NHS: variants seen among roughly 807,000 people sequenced by gnomAD.
NHS encodes NHS actin remodeling regulator.
In NHS, 5 loss-of-function variants were observed where a neutral mutation model predicts 72.5. The ratio of observed to expected loss-of-function variants is 0.07; its 90% CI spans 0.04 to 0.14. The LOEUF is 0.14. Among genes scored for constraint, NHS ranks in the 10% least tolerant of loss-of-function variants. The probability of loss-of-function intolerance (pLI) is 1.00; values close to 1 mark genes in which losing one functional copy is unlikely to be tolerated. For missense variants in NHS, 1,072 were observed against 1,355.7 expected (o/e 0.79, Z 3.29); for synonymous variants, 464 against 547.7 (o/e 0.85, Z 2.13).
At chrX:17,475,962 G>T (rs951369243) in intron 1 of NHS, among the ~76,000 whole-genome samples, 1 of 111,569 alleles carries the variant, frequency 9.0e-6, no homozygotes, top group African/African-American at 3.3e-5. Context: ...TGTCATGCCC[G>T]CTGCCAGCTT....
At chrX:17,597,522 G>A (rs1255441558) in intron 1 of NHS, among the ~76,000 whole-genome samples, 2 of 109,025 alleles carry the variant, frequency 1.8e-5, no homozygotes, top group East Asian at 5.7e-4. Flanking sequence ...AAGAGAGCTG[G>A]AGAAAGAGCA....
intron 5 of NHS, 46 bp from the exon 6 acceptor site, chrX:17,724,253 T>G: frequency 5.0e-6 from 6 of 1,208,253 alleles, no homozygotes; most frequent in Non-Finnish European, 6.7e-6. Context: ...AAATGAAAAT[T>G]TGTTTGCCAT....
In NHS at chrX:17,725,735, T is replaced by C. The variant is rs927619743; in HGVS notation, c.1629T>C (p.Asn543=). The C allele has an allele frequency of 8.3e-7, 1 of 1,209,142 alleles. No individual in the cohort carries two copies. The highest frequency in any genetic ancestry group is 1.8e-5 in the African/African-American group (1 of 56,850). The change falls in exon 7 of 9, where the codon AAT becomes AAC. Residue 543 remains asparagine (N), a synonymous_variant. Transcript: ENST00000676302. Reference sequence around the variant, plus strand: ...TGGGTGACCATGAAAGAACCCCTAATGATTTCAGTGAGGCTCCAAGCAGCC... The same window carrying C: ...TGGGTGACCATGAAAGAACCCCTAACGATTTCAGTGAGGCTCCAAGCAGCC... ...SFVGDHERTP[N]DFSEAPSSPS... is the part of the protein sequence containing the mutation.
chrX:17,728,155 A>G lies in NHS; in HGVS notation c.4049A>G (p.His1350Arg), dbSNP rs144463270. ...CATCAATTTGTTATGAGCCGCCACC[A>G]TGACAAAGTGCCTGGTACTATCAGC... ...FKHQFVMSRH[H>R]DKVPGTISYE... Residue 1350 changes from histidine (H) to arginine (R), a missense_variant, in exon 7 of 9, where the codon CAT becomes CGT. Transcript: ENST00000676302. 8.3e-7 allele frequency: 1 copy of G among 1,210,164 alleles called. No homozygotes were observed. The highest frequency in any genetic ancestry group is 1.1e-6 in the Non-Finnish European group (1 of 895,312).
In NHS at chrX:17,529,527, G is replaced by A. The variant is rs146436109; in HGVS notation, c.565+153205G>A. Among the ~76,000 whole-genome samples, 490 of 111,520 alleles carry A rather than the reference G, an allele frequency of 4.4e-3. 3 individuals carry two copies. Among genetic ancestry groups the A allele is most frequent in the African/African-American group, 0.015 (454 of 30,632 alleles). ...TGGCTAACACTGCAATGCCTTTAGT[G>A]TCACTGAAGCCGACAAAGAAAGCTG... On this transcript the variant is annotated intron_variant, in intron 1 of 8. Coordinates refer to ENST00000676302, the MANE Select transcript of NHS (RefSeq NM_001291867.2).
chrX:17,508,322 T>G (rs2065068943), intron 1 of NHS, among the ~76,000 whole-genome samples: 1 of 111,586 alleles, frequency 9.0e-6, no homozygotes, highest in South Asian at 3.8e-4. Context: ...TCATACAATA[T>G]TCATTCTTTT....
In NHS at chrX:17,430,259, TTTTCTTTCTTTCTTTC is replaced by T. The variant is rs56175001; in HGVS notation, c.565+53978_565+53993del. 8.7e-3 allele frequency among the ~76,000 whole-genome samples: 448 copies of T among 51,563 alleles called. 3 individuals are homozygous for T. Among genetic ancestry groups the T allele is most frequent in the South Asian group, 0.039 (25 of 644 alleles). 44.8% of individuals were successfully genotyped at this position (51,563 alleles called of 115,157 possible). On this transcript the variant is annotated intron_variant, in intron 1 of 8. Transcript: ENST00000676302. The stretch of plus-strand genomic sequence containing the variant: ...CTCCCTCCCTCCCTCCCCTCTTTCT[TTTTCTTTCTTTCTTTC>T]TTTCTTTCTTTCTTTCTTTCTTTCT...
intron 1 of NHS, among the ~76,000 whole-genome samples, chrX:17,416,049 G>C: frequency 9.0e-6 from 1 of 111,301 alleles, no homozygotes; most frequent in Non-Finnish European, 1.9e-5. Flanking sequence ...CAGGCACCAG[G>C]ATATCTTCCA....
At chrX:17,588,034 G>A (rs1170510511) in intron 1 of NHS, among the ~76,000 whole-genome samples, 1 of 112,192 alleles carries the variant, frequency 8.9e-6, no homozygotes, top group Admixed American at 9.4e-5. Context: ...TATAATGCCT[G>A]AATGTAGATG....
At chrX:17,674,133 C>G (rs1478875108) in intron 1 of NHS, among the ~76,000 whole-genome samples, 4 of 111,865 alleles carry the variant, frequency 3.6e-5, no homozygotes, top group African/African-American at 1.3e-4. Flanking sequence ...CTGGGGCCTC[C>G]AGTACACTCG....
At chrX:17,444,121 CA>C (rs1375846383) in intron 1 of NHS, among the ~76,000 whole-genome samples, 1 of 111,566 alleles carries the variant, frequency 9.0e-6, no homozygotes, top group African/African-American at 3.3e-5. Context: ...CAGAGGAGGG[CA>C]AAATGAGAGC....
At chrX:17,551,941 A>T (rs2065338755) in intron 1 of NHS, among the ~76,000 whole-genome samples, 1 of 112,044 alleles carries the variant, frequency 8.9e-6, no homozygotes, top group Admixed American at 9.4e-5. Flanking sequence ...TGCTATTTAT[A>T]GAGTATCTGC....
intron 1 of NHS, among the ~76,000 whole-genome samples, chrX:17,600,678 T>C (rs1271486671): frequency 9.0e-6 from 1 of 111,361 alleles, no homozygotes; most frequent in Non-Finnish European, 1.9e-5. Flanking sequence ...TCTGGTATTG[T>C]CAGGCTCTAT....
At chrX:17,488,871 C>T (rs1016305835) in intron 1 of NHS, among the ~76,000 whole-genome samples, 1 of 110,318 alleles carries the variant, frequency 9.1e-6, no homozygotes, top group Non-Finnish European at 1.9e-5. Context: ...ATACATGTGC[C>T]ATGGTGGTTT....
chrX:17,476,489 T>C (rs7051416), intron 1 of NHS, among the ~76,000 whole-genome samples: 234 of 111,713 alleles, frequency 2.1e-3, no homozygotes, highest in African/African-American at 6.3e-3. Flanking sequence ...CCATATGTAA[T>C]GCAGGAATTA....
At position 17,538,633 on chromosome X, in the gene NHS, G is replaced by C. The variant is rs929087068; in HGVS notation, c.566-149109G>C. ...AAAGCCCTCAGGGAGAGGGTCATAG[G>C]TGTACGGAGCAAGAAGCCATGAACA... On this transcript the variant is annotated intron_variant, in intron 1 of 8. Transcript: ENST00000676302. 3.1e-4 allele frequency among the ~76,000 whole-genome samples: 35 copies of C among 111,570 alleles called. No homozygotes were observed. In the Admixed American group the frequency reaches 3.2e-3, roughly 10 times the overall value.
chrX:17,658,642 G>T (rs771848183), intron 1 of NHS, among the ~76,000 whole-genome samples: 28 of 111,879 alleles, frequency 2.5e-4, no homozygotes, highest in African/African-American at 7.5e-4. Context: ...CACCATCTTT[G>T]TGTTCCCCAT....
chrX:17,618,496 A>G (rs750088888), intron 1 of NHS, among the ~76,000 whole-genome samples: 5 of 112,456 alleles, frequency 4.4e-5, no homozygotes, highest in Non-Finnish European at 9.4e-5. Context: ...ATGCATATTT[A>G]AGCATGTTTA....
chrX:17,582,873 A>G (rs926905771), intron 1 of NHS, among the ~76,000 whole-genome samples: 20 of 112,676 alleles, frequency 1.8e-4, no homozygotes, highest in African/African-American at 6.1e-4. Flanking sequence ...GCACACAGGT[A>G]TGTAAAATGG....
Sources: allele counts gnomAD v4.1 joint callset (sites outside exome capture counted in the v4.1 genomes callset), GRCh38; gene constraint gnomAD v4.1.1; transcripts MANE v1.5; gene names NCBI Gene and HGNC (gene_info 2026-07-23, HGNC 2026-07-21).